GPHN: variants seen among roughly 807,000 people sequenced by gnomAD.
GPHN encodes the protein gephyrin.
Under a neutral mutation model 95.5 loss-of-function variants are expected in GPHN, and 17 were observed. The observed-to-expected ratio is 0.18, with a 90% CI of 0.12 to 0.27. The LOEUF (loss-of-function observed/expected upper bound fraction) is 0.27. Ranked by LOEUF, GPHN falls within the 10% of genes least tolerant of loss-of-function variation. GPHN has a pLI of 1.00. For missense variants in GPHN, 660 were observed against 978.1 expected (o/e 0.67, Z 4.34); for synonymous variants, 320 against 322.5 (o/e 0.99, Z 0.08).
chr14:67,291,108 C>T, the GPHN span, among the ~76,000 whole-genome samples: 314 of 152,028 alleles, frequency 2.1e-3, no homozygotes, highest in African/African-American at 7.1e-3. Flanking sequence ...TAAGAGCAAC[C>T]ATAAATATAA....
chr14:66,853,897 G>A (rs571512497), intron 4 of GPHN, among the ~76,000 whole-genome samples: 67 of 152,244 alleles, frequency 4.4e-4, no homozygotes, highest in African/African-American at 1.5e-3. Context: ...TTAAAAGCAT[G>A]GCAATTAGCT....
chr14:66,967,801 G>A lies in GPHN; in HGVS notation c.963+2476G>A, dbSNP rs534331853. Among the ~76,000 whole-genome samples the A allele has an allele frequency of 4.3e-4, 65 of 151,952 alleles. No individual in the cohort carries two copies. The South Asian group carries it at 0.01, about 24-fold the overall frequency. ...GTTATGGTAGTAGAAAATAATAGCA[G>A]GGGAACTTCATTTAGATAGGGTGAG... On this transcript the variant is annotated intron_variant, in intron 9 of 22. Coordinates refer to ENST00000478722, the MANE Select transcript of GPHN (RefSeq NM_020806.5).
intron 1 of GPHN, among the ~76,000 whole-genome samples, chr14:66,632,796 T>C (rs2063891254): frequency 1.3e-5 from 2 of 152,144 alleles, no homozygotes; most frequent in South Asian, 4.1e-4. Flanking sequence ...CGGCCCCTTA[T>C]AATACATTCT....
At chr14:67,634,962 G>C in the GPHN span, among the ~76,000 whole-genome samples, 1 of 152,158 alleles carries the variant, frequency 6.6e-6, no homozygotes, top group Non-Finnish European at 1.5e-5. Flanking sequence ...ATGGTTCTTT[G>C]GCTGGGCGCA....
At chr14:67,368,034 G>A in the GPHN span, among the ~76,000 whole-genome samples, 1 of 152,160 alleles carries the variant, frequency 6.6e-6, no homozygotes, top group Non-Finnish European at 1.5e-5. Context: ...ACAGTCCAAT[G>A]CCCTTGAAAG....
At chr14:67,636,261 C>CAA in the GPHN span, among the ~76,000 whole-genome samples, 334 of 142,732 alleles carry the variant, frequency 2.3e-3, no homozygotes, top group African/African-American at 8.2e-3. Flanking sequence ...CTTATGCTGT[C>CAA]AAAAAAAAAA....
chr14:66,619,927 T>C (rs1355315911), intron 1 of GPHN, among the ~76,000 whole-genome samples: 1 of 152,176 alleles, frequency 6.6e-6, no homozygotes, highest in Non-Finnish European at 1.5e-5. Flanking sequence ...GATGGCTTTA[T>C]GGAAGAAGTA....
the GPHN span, among the ~76,000 whole-genome samples, chr14:67,458,114 T>C: frequency 9.2e-5 from 14 of 152,318 alleles, no homozygotes; most frequent in East Asian, 5.8e-4. Flanking sequence ...TGAGGAGAGC[T>C]GAGCCTTTTC....
chr14:66,618,192 G>A (rs1279422861), intron 1 of GPHN, among the ~76,000 whole-genome samples: 1 of 152,096 alleles, frequency 6.6e-6, no homozygotes, highest in Non-Finnish European at 1.5e-5. Context: ...GAATTATTAG[G>A]ATGATAGCCT....
intron 1 of GPHN, among the ~76,000 whole-genome samples, chr14:66,536,141 A>AG (rs1305467158): frequency 6.6e-6 from 1 of 152,094 alleles, no homozygotes; most frequent in African/African-American, 2.4e-5. Flanking sequence ...TTATAGAGAG[A>AG]GGGCCTTGCT....
Position 66,861,250 on chromosome 14 carries a change from T to C in GPHN, c.295-18689T>C, listed in dbSNP as rs1015590542. Among the ~76,000 whole-genome samples the C allele has an allele frequency of 4.6e-5, 7 of 151,990 alleles. No homozygotes were observed. The South Asian group carries it at 1.4e-3, about 31-fold the overall frequency. ...AGGAGTAGCTAAGGCAAAATAGTTT[T>C]CTAAACAAAAACTGTAAGAAGAGAC... On this transcript the variant is annotated intron_variant, in intron 4 of 22. Coordinates refer to ENST00000478722, the MANE Select transcript of GPHN (RefSeq NM_020806.5).
the GPHN span, chr14:67,200,256 C>A: frequency 1.2e-6 from 1 of 866,758 alleles, no homozygotes; most frequent in Non-Finnish European, 1.8e-6. Context: ...CCAGCCTCTC[C>A]CTCCAACCAG....
chr14:67,037,894 C>T (rs1327664539), intron 10 of GPHN, among the ~76,000 whole-genome samples: 4 of 151,670 alleles, frequency 2.6e-5, no homozygotes, highest in South Asian at 2.1e-4. Flanking sequence ...AATAGTATGG[C>T]GTTTCTTCAA....
At chr14:67,455,076 C>T in the GPHN span, among the ~76,000 whole-genome samples, 1 of 152,170 alleles carries the variant, frequency 6.6e-6, no homozygotes, top group African/African-American at 2.4e-5. Context: ...TCTTGAACTC[C>T]TGACCTCAAC....
At position 66,776,479 on chromosome 14, in the gene GPHN, A is replaced by G. The variant is rs1474510355; in HGVS notation, c.159A>G (p.Ile53Met). 2 of 1,570,922 alleles carry G rather than the reference A, an allele frequency of 1.3e-6. No individual in the cohort carries two copies. Among genetic ancestry groups the G allele is most frequent in the Admixed American group, 1.7e-5 (1 of 59,562 alleles). ...CTAATTTCAGGTTGGGTGGGACTAT[A>G]TCAGCATACAAGATAGTACCAGATG... Reference protein sequence around the residue: ...VQDPSLLGGTISAYKIVPDEI... With the variant: ...VQDPSLLGGTMSAYKIVPDEI... Residue 53 changes from isoleucine to methionine, a missense_variant, in exon 3 of 23, where the codon ATA becomes ATG. By Grantham distance (10) the Ile-to-Met change is conservative. Coordinates refer to ENST00000478722, the MANE Select transcript of GPHN (RefSeq NM_020806.5).
chr14:67,674,742 C>A, the GPHN span: 1 of 369,640 alleles, frequency 2.7e-6, no homozygotes, highest in Non-Finnish European at 4.9e-6. Context: ...TAGGCGACTC[C>A]TGAGGGAGCG....
the GPHN span, among the ~76,000 whole-genome samples, chr14:67,718,177 CTG>C: frequency 3.9e-5 from 6 of 152,134 alleles, no homozygotes; most frequent in African/African-American, 1.4e-4. Context: ...AAGGAAATAA[CTG>C]TGGTGCTGTA....
chr14:67,283,922 A>C, the GPHN span, among the ~76,000 whole-genome samples: 4 of 152,210 alleles, frequency 2.6e-5, no homozygotes, highest in African/African-American at 9.7e-5. Context: ...CGGCACATTC[A>C]GAAATGTATG....
At chr14:67,268,840 A>G in the GPHN span, among the ~76,000 whole-genome samples, 2 of 152,192 alleles carry the variant, frequency 1.3e-5, no homozygotes, top group Admixed American at 1.3e-4. Context: ...GCAGCCCAGT[A>G]GGTCTCAGCC....
Sources: allele counts gnomAD v4.1 joint callset (sites outside exome capture counted in the v4.1 genomes callset), GRCh38; gene constraint gnomAD v4.1.1; transcripts MANE v1.5; gene names NCBI Gene and HGNC (gene_info 2026-07-23, HGNC 2026-07-21).